Variants in PCDH15 observed in about 807,000 individuals in gnomAD.
PCDH15 encodes the protein protocadherin related 15, also known as protocadherin-15.
Under a neutral mutation model 178.5 loss-of-function variants are expected in PCDH15, and 129 were observed. The observed-to-expected ratio is 0.72, with a 90% confidence interval of 0.63 to 0.84. The LOEUF is 0.84. Ranked by LOEUF, PCDH15 falls within the 40% of genes least tolerant of loss-of-function variation. The pLI, the probability that PCDH15 is intolerant of heterozygous loss-of-function variation, is 0.00. For missense variants in PCDH15, 2,230 were observed against 2,099.9 expected (o/e 1.06, Z -1.21); for synonymous variants, 800 against 732.0 (o/e 1.09, Z -1.50).
At chr10:54,191,329 A>G (rs961276582) in intron 11 of PCDH15, among the ~76,000 whole-genome samples, 1 of 152,198 alleles carries the variant, frequency 6.6e-6, no homozygotes, top group East Asian at 1.9e-4. Context: ...AATACCGTGG[A>G]AAGATTCTCG....
intron 1 of PCDH15, among the ~76,000 whole-genome samples, chr10:54,731,232 T>C (rs1943281025): frequency 6.6e-6 from 1 of 151,050 alleles, no homozygotes; most frequent in African/African-American, 2.4e-5. Flanking sequence ...TTACCATAGC[T>C]TAAATTGATT....
intron 1 of PCDH15, among the ~76,000 whole-genome samples, chr10:55,174,044 T>A (rs534102372): frequency 6.6e-6 from 1 of 152,296 alleles, no homozygotes; most frequent in African/African-American, 2.4e-5. Context: ...CAAAAGTAGA[T>A]CTTTGCTATA....
chr10:54,886,014 GT>G, intron 3 of PCDH15, among the ~76,000 whole-genome samples: 1 of 152,112 alleles, frequency 6.6e-6, no homozygotes, highest in East Asian at 1.9e-4. Context: ...CTCTCTCACT[GT>G]TTTTCTCTCT....
intron 8 of PCDH15, among the ~76,000 whole-genome samples, chr10:54,245,714 T>C (rs11004170): frequency 0.049 from 7,451 of 151,784 alleles, 459 homozygotes; most frequent in African/African-American, 0.15. Context: ...ATATCTGTGA[T>C]GGAAATAAAA....
At chr10:55,038,242 T>C (rs949191780) in intron 2 of PCDH15, among the ~76,000 whole-genome samples, 1 of 152,198 alleles carries the variant, frequency 6.6e-6, no homozygotes, top group Admixed American at 6.5e-5. Context: ...TAGTCTTCTT[T>C]GGAATTTGAT....
At chr10:54,194,061 T>TTAAAA in intron 11 of PCDH15, among the ~76,000 whole-genome samples, 1 of 87,858 alleles carries the variant, frequency 1.1e-5, no homozygotes, top group African/African-American at 7.2e-5. Flanking sequence ...CAGGAAAGAT[T>TTAAAA]GAAAAAAAAA....
At chr10:54,438,790 C>T (rs2075606857) in intron 3 of PCDH15, among the ~76,000 whole-genome samples, 1 of 152,072 alleles carries the variant, frequency 6.6e-6, no homozygotes, top group Non-Finnish European at 1.5e-5. Context: ...TCTTTTTGAG[C>T]TCTCTTCCTA....
chr10:54,602,866 G>T (rs573809092), intron 2 of PCDH15, among the ~76,000 whole-genome samples: 2 of 151,972 alleles, frequency 1.3e-5, no homozygotes, highest in African/African-American at 4.8e-5. Context: ...CATTCAGTTT[G>T]CTTGTATTTT....
intron 2 of PCDH15, among the ~76,000 whole-genome samples, chr10:54,548,205 T>C (rs2086102602): frequency 6.8e-6 from 1 of 147,844 alleles, no homozygotes; most frequent in Non-Finnish European, 1.5e-5. Flanking sequence ...TGTATATACT[T>C]ATATATTTTA....
intron 26 of PCDH15, among the ~76,000 whole-genome samples, chr10:53,879,763 C>A (rs562387721): frequency 4.7e-4 from 72 of 152,146 alleles, no homozygotes; most frequent in Non-Finnish European, 9.4e-4. Flanking sequence ...CACCACCACG[C>A]CTGGCTAATT....
chr10:53,830,031 C>T (rs113467854), intron 30 of PCDH15, among the ~76,000 whole-genome samples: 2,823 of 152,130 alleles, frequency 0.019, 80 homozygotes, highest in African/African-American at 0.064. Flanking sequence ...TGGCTGGGCG[C>T]GGTGGCTCAC....
chr10:55,071,938 G>C (rs1841757676), intron 2 of PCDH15, among the ~76,000 whole-genome samples: 1 of 152,146 alleles, frequency 6.6e-6, no homozygotes, highest in African/African-American at 2.4e-5. Flanking sequence ...TCAGGATTAA[G>C]AAACTGACTT....
chr10:53,997,606 A>G (rs891210963), intron 20 of PCDH15, among the ~76,000 whole-genome samples: 1 of 152,192 alleles, frequency 6.6e-6, no homozygotes, highest in African/African-American at 2.4e-5. Flanking sequence ...TTGATTCTTC[A>G]GAAACAAAAA....
At chr10:54,329,346 A>G (rs1938902838) in intron 7 of PCDH15, among the ~76,000 whole-genome samples, 1 of 151,902 alleles carries the variant, frequency 6.6e-6, no homozygotes, top group Non-Finnish European at 1.5e-5. Context: ...ATATTTCAGT[A>G]TAGTCTAAAA....
At chr10:54,645,922 A>T (rs564322205) in intron 2 of PCDH15, among the ~76,000 whole-genome samples, 5 of 152,222 alleles carry the variant, frequency 3.3e-5, no homozygotes, top group Admixed American at 3.3e-4. Context: ...ATTATTCTTG[A>T]TTATGGATAG....
chr10:54,133,848 T>C (rs2042653255), intron 14 of PCDH15, among the ~76,000 whole-genome samples: 1 of 118,630 alleles, frequency 8.4e-6, no homozygotes, highest in South Asian at 3.8e-4. Context: ...AAAACATATA[T>C]ATGTATACAT....
chr10:54,708,842 T>C (rs58286973), intron 1 of PCDH15, among the ~76,000 whole-genome samples: 18,443 of 151,806 alleles, frequency 0.12, 1,252 homozygotes, highest in African/African-American at 0.17. Context: ...TTGGCATGCT[T>C]AAATAGATTT....
intron 2 of PCDH15, among the ~76,000 whole-genome samples, chr10:55,027,010 C>G (rs1037726022): frequency 6.6e-6 from 1 of 151,876 alleles, no homozygotes; most frequent in East Asian, 1.9e-4. Context: ...TGAGGAACAT[C>G]TGCATTTGGA....
chr10:54,369,049 A>C (rs1317712521), intron 5 of PCDH15, 71 bp downstream of exon 5: 39 of 1,515,912 alleles, frequency 2.6e-5, no homozygotes, highest in Non-Finnish European at 3.4e-5. Flanking sequence ...AATCATTTAT[A>C]AACATTTATT....
Sources: allele counts gnomAD v4.1 joint callset (sites outside exome capture counted in the v4.1 genomes callset), GRCh38; gene constraint gnomAD v4.1.1; transcripts MANE v1.5; gene names NCBI Gene and HGNC (gene_info 2026-07-23, HGNC 2026-07-21).